The following CYB5B variants were observed in gnomAD, a reference collection of about 807,000 sequenced individuals.
CYB5B encodes the protein cytochrome b5 type B (outer mitochondrial membrane).
Under a neutral mutation model 21.3 loss-of-function variants are expected in CYB5B, and 14 were observed. The ratio of observed to expected loss-of-function variants is 0.66; its 90% CI spans 0.43 to 1.03. The LOEUF is 1.03. Among genes scored for constraint, CYB5B ranks in the 50% least tolerant of loss-of-function variants. CYB5B has a pLI of 0.00. For synonymous variants in CYB5B, 69 were observed against 68.4 expected (o/e 1.01, Z -0.04); for missense variants, 166 against 185.1 (o/e 0.90, Z 0.60).
intron 3 of CYB5B, chr16:69,448,689 T>C (rs1248468061): frequency 6.5e-6 from 1 of 154,008 alleles, no homozygotes; most frequent in African/African-American, 2.4e-5. Flanking sequence ...TTGAAAACTT[T>C]AATGTGTACT....
chr16:69,424,883 C>T (rs2014626740), intron 1 of CYB5B, 26 bp downstream of exon 1: 1 of 1,527,996 alleles, frequency 6.5e-7, no homozygotes, highest in East Asian at 2.5e-5. Context: ...TGGGAGGCCT[C>T]TGAAGCTGCT....
chr16:69,436,813 AT>A (rs1350894262), intron 1 of CYB5B, among the ~76,000 whole-genome samples: 3 of 151,828 alleles, frequency 2.0e-5, no homozygotes, highest in Non-Finnish European at 2.9e-5. Context: ...AATTTGTGTA[AT>A]TTTTTTTCCA....
chr16:69,452,313 C>CAA (rs34934716), intron 3 of CYB5B, among the ~76,000 whole-genome samples: 2 of 79,040 alleles, frequency 2.5e-5, no homozygotes, highest in East Asian at 4.0e-4. Flanking sequence ...GACTCCGCCT[C>CAA]AAAAAAAAAA....
At chr16:69,427,526 T>C (rs901852791) in intron 1 of CYB5B, among the ~76,000 whole-genome samples, 10 of 149,064 alleles carry the variant, frequency 6.7e-5, no homozygotes, top group Admixed American at 2.0e-4. Flanking sequence ...TTACCTGCAG[T>C]TTTGTTTTTT....
At position 69,465,457 on chromosome 16, in the gene CYB5B, A is replaced by C. The variant is rs888998392; in HGVS notation, c.*2937A>C. The C allele has an allele frequency of 6.6e-6, 1 of 152,232 alleles. No individual in the cohort carries two copies. Among genetic ancestry groups the C allele is most frequent in the African/African-American group, 2.4e-5 (1 of 41,462 alleles). 9.4% of individuals were successfully genotyped at this position (152,232 alleles called of 1,614,324 possible). A position where few individuals can be genotyped will look rare whatever the true frequency, so the allele number is the denominator to read the frequency against. Reference sequence around the variant, plus strand: ...TAAAGATAACAGAGTGGTGGGGTCAAAGTTTATCTTGTGTTTAGATCTCTT... The same window carrying C: ...TAAAGATAACAGAGTGGTGGGGTCACAGTTTATCTTGTGTTTAGATCTCTT... On this transcript the variant is annotated 3_prime_UTR_variant, in exon 5 of 5. Coordinates refer to ENST00000307892, the MANE Select transcript of CYB5B (RefSeq NM_030579.3).
Position 69,442,825 on chromosome 16 carries a change from C to CTTTTTTTTTTTTTTTTTTTTTT in CYB5B, c.175-4306_175-4305insTTTTTTTTTTTTTTTTTTTTTT, listed in dbSNP as rs11436895. Among the ~76,000 whole-genome samples the CTTTTTTTTTTTTTTTTTTTTTT allele has an allele frequency of 2.9e-5, 4 of 136,158 alleles. 1 individual carries two copies. The highest frequency in any genetic ancestry group is 2.7e-5 in the African/African-American group (1 of 36,870). 89.3% of individuals were successfully genotyped at this position (136,158 alleles called of 152,430 possible). A position where few individuals can be genotyped will look rare whatever the true frequency, so the allele number is the denominator to read the frequency against. On this transcript the variant is annotated intron_variant, in intron 1 of 4. Transcript: ENST00000307892. The stretch of plus-strand genomic sequence containing the variant: ...GTGTGAGCCACTGTGCCTAGCTATC[C>CTTTTTTTTTTTTTTTTTTTTTT]TTTTTTTTTTTTTTTTTTTAAATTC...
chr16:69,442,921 A>C (rs893845587), intron 1 of CYB5B, among the ~76,000 whole-genome samples: 3 of 149,376 alleles, frequency 2.0e-5, no homozygotes, highest in Non-Finnish European at 3.0e-5. Flanking sequence ...GCTAATTTTT[A>C]CTACTTGGTC....
intron 3 of CYB5B, among the ~76,000 whole-genome samples, chr16:69,454,490 G>A (rs2014965013): frequency 6.6e-6 from 1 of 152,154 alleles, no homozygotes; most frequent in Non-Finnish European, 1.5e-5. Context: ...AACATTTTAG[G>A]TGGTAAAATG....
At chr16:69,424,978 T>C (rs947604973) in intron 1 of CYB5B, 121 bp downstream of exon 1, 2 of 973,180 alleles carry the variant, frequency 2.1e-6, no homozygotes, top group Non-Finnish European at 2.8e-6. Context: ...AAGAAAGGGA[T>C]CACGACCCTC....
chr16:69,445,308 G>C (rs931936885), intron 1 of CYB5B, among the ~76,000 whole-genome samples: 2 of 152,140 alleles, frequency 1.3e-5, no homozygotes, highest in African/African-American at 2.4e-5. Context: ...TTAAATACTG[G>C]GATGTGAGAC....
chr16:69,426,636 C>T (rs1243400348), intron 1 of CYB5B, among the ~76,000 whole-genome samples: 20 of 129,006 alleles, frequency 1.6e-4, no homozygotes, highest in Non-Finnish European at 2.9e-4. Context: ...ACCTGGGAGG[C>T]GGAGATTGCA....
At chr16:69,460,232 C>G (rs2015021308) in intron 4 of CYB5B, among the ~76,000 whole-genome samples, 1 of 150,186 alleles carries the variant, frequency 6.7e-6, no homozygotes, top group African/African-American at 2.4e-5. Context: ...GAAACTCCAT[C>G]TCAAAAAAAA....
chr16:69,443,848 C>CTTT (rs1243546973), intron 1 of CYB5B: 10 of 154,804 alleles, frequency 6.5e-5, no homozygotes, highest in African/African-American at 2.4e-4. Flanking sequence ...GAGTGAGACT[C>CTTT]CGTCTCAAAA....
chr16:69,432,522 T>A (rs1411272959), intron 1 of CYB5B, among the ~76,000 whole-genome samples: 2 of 152,236 alleles, frequency 1.3e-5, no homozygotes, highest in Non-Finnish European at 2.9e-5. Flanking sequence ...CATATACTTA[T>A]ATGTGCAAAC....
At chr16:69,429,396 A>G (rs867151377) in intron 1 of CYB5B, among the ~76,000 whole-genome samples, 1 of 152,094 alleles carries the variant, frequency 6.6e-6, no homozygotes, top group African/African-American at 2.4e-5. Flanking sequence ...CGATTGGTCC[A>G]TTTTTACAGA....
rs1011715905 is a variant in CYB5B, at chr16:69,462,532, T to C, written c.*12T>C. 1 of 1,611,616 alleles carries C rather than the reference T, an allele frequency of 6.2e-7. No individual in the cohort carries two copies. Among genetic ancestry groups the C allele is most frequent in the Non-Finnish European group, 8.5e-7 (1 of 1,177,922 alleles). ...GCAAATCCTCCTGAGGAGGCCTTGC[T>C]GAAGTTAGAAAGTGCATCCACTTTG... is the stretch of plus-strand genomic sequence containing the variant. On this transcript the variant is annotated 3_prime_UTR_variant, in exon 5 of 5. Transcript: ENST00000307892.
At chr16:69,448,439 G>A in intron 3 of CYB5B, 1 of 352,402 alleles carries the variant, frequency 2.8e-6, no homozygotes, top group Admixed American at 4.5e-5. Context: ...GTTCAGTTGT[G>A]GAAAAATATC....
intron 3 of CYB5B, among the ~76,000 whole-genome samples, chr16:69,453,292 A>G (rs2014953719): frequency 6.6e-6 from 1 of 152,212 alleles, no homozygotes; most frequent in Non-Finnish European, 1.5e-5. Context: ...TTTCTGTTAT[A>G]TAATGTATTA....
chr16:69,445,896 C>T (rs772220283), intron 1 of CYB5B, among the ~76,000 whole-genome samples: 4 of 151,908 alleles, frequency 2.6e-5, no homozygotes, highest in Non-Finnish European at 4.4e-5. Context: ...GCAGAGGTTG[C>T]GGTGAGCTGA....
Sources: gnomAD v4.1 joint callset for allele counts (sites outside exome capture counted in the v4.1 genomes callset) on GRCh38, gnomAD v4.1.1 for gene constraint, MANE v1.5 for transcripts, NCBI Gene and HGNC (gene_info 2026-07-23, HGNC 2026-07-21) for gene names.